PSPC1: variants seen among roughly 807,000 people sequenced by gnomAD.
PSPC1 encodes the protein paraspeckle component 1.
Under a neutral mutation model 51.6 loss-of-function variants are expected in PSPC1, and 14 were observed. That is an observed-to-expected ratio of 0.27 (90% CI 0.18 to 0.42). The LOEUF (loss-of-function observed/expected upper bound fraction) is 0.42, where lower values mean the gene tolerates loss of function less well. Ranked by LOEUF, PSPC1 falls within the 10% of genes least tolerant of loss-of-function variation. The pLI is 1.00. For missense variants in PSPC1, 406 were observed against 701.1 expected (o/e 0.58, Z 4.75); for synonymous variants, 193 against 231.9 (o/e 0.83, Z 1.53).
At chr13:19,675,422 A>C (rs748680558) in intron 7 of PSPC1, 5 of 152,244 alleles carry the variant, frequency 3.3e-5, no homozygotes, top group Non-Finnish European at 5.9e-5. Context: ...ACAAATAAAA[A>C]GCCAAAACCC....
chr13:19,697,537 A>G (rs1310120541), downstream of PSPC1, among the ~76,000 whole-genome samples: 1 of 152,136 alleles, frequency 6.6e-6, no homozygotes, highest in Non-Finnish European at 1.5e-5. Context: ...TTTGTAGACA[A>G]TTACTCCCAT....
chr13:19,715,462 A>G (rs907059027), intron 6 of PSPC1, among the ~76,000 whole-genome samples: 11 of 152,230 alleles, frequency 7.2e-5, no homozygotes, highest in African/African-American at 2.7e-4. Flanking sequence ...TAGCATAACC[A>G]TCCAAAACCC....
downstream of PSPC1, among the ~76,000 whole-genome samples, chr13:19,673,731 T>G (rs957085303): frequency 1.3e-5 from 2 of 152,144 alleles, no homozygotes; most frequent in Non-Finnish European, 1.5e-5. Context: ...CGGGGCTTTC[T>G]CTCTAAGATA....
Position 19,772,230 on chromosome 13 carries a change from T to C in PSPC1, c.674+12A>G, listed in dbSNP as rs749462620. 2.5e-6 allele frequency: 4 copies of C among 1,608,296 alleles called. No homozygotes were observed. Among genetic ancestry groups the C allele is most frequent in the Admixed American group, 1.7e-5 (1 of 58,994 alleles). ...AACTGGATAGAAGAAGGACAAGATA[T>C]TTAAAACTTACGTTGTTAGCAAGAA... On this transcript the variant is annotated intron_variant, in intron 2 of 8. Transcript: ENST00000338910.
downstream of PSPC1, chr13:19,673,054 C>CAAAA (rs752838814): frequency 3.5e-5 from 14 of 395,312 alleles, no homozygotes; most frequent in Non-Finnish European, 5.4e-5. Context: ...GACCTTGTCT[C>CAAAA]AAAAAAAAAA....
At chr13:19,677,373 T>TGTCATTTCCCCTCTTA (rs879579931) in intron 7 of PSPC1, among the ~76,000 whole-genome samples, 8 of 152,192 alleles carry the variant, frequency 5.3e-5, no homozygotes, top group African/African-American at 1.2e-4. Flanking sequence ...AAGACCTCTA[T>TGTCATTTCCCCTCTTA]GTCATTTCCC....
intron 6 of PSPC1, among the ~76,000 whole-genome samples, chr13:19,710,895 T>C (rs886952452): frequency 1.9e-4 from 29 of 151,972 alleles, no homozygotes; most frequent in African/African-American, 6.5e-4. Flanking sequence ...TGCAGTGCAG[T>C]GGCGTCATGA....
At chr13:19,780,808 A>G (rs868474127) in intron 1 of PSPC1, among the ~76,000 whole-genome samples, 18 of 151,804 alleles carry the variant, frequency 1.2e-4, no homozygotes, top group African/African-American at 3.4e-4. Context: ...AATTATCAAT[A>G]AAAAAATAAA....
At chr13:19,738,074 G>A (rs1755773935) in intron 5 of PSPC1, among the ~76,000 whole-genome samples, 1 of 151,880 alleles carries the variant, frequency 6.6e-6, no homozygotes, top group African/African-American at 2.4e-5. Flanking sequence ...TGAGTGACAG[G>A]GCAAGACCTT....
At chr13:19,681,118 G>C (rs1877222541) in intron 6 of PSPC1, among the ~76,000 whole-genome samples, 1 of 152,122 alleles carries the variant, frequency 6.6e-6, no homozygotes, top group South Asian at 2.1e-4. Context: ...GGGAGGCTGA[G>C]ATGGGAGAAT....
At chr13:19,689,411 G>A (rs536574035) in intron 6 of PSPC1, among the ~76,000 whole-genome samples, 1 of 152,230 alleles carries the variant, frequency 6.6e-6, no homozygotes, top group East Asian at 1.9e-4. Flanking sequence ...AAAAAAATGA[G>A]TTTTGGCAAA....
At chr13:19,730,966 A>AAAAAAAAAAAAAAAAAAC (rs1884014184) in intron 5 of PSPC1, among the ~76,000 whole-genome samples, 4 of 25,502 alleles carry the variant, frequency 1.6e-4, no homozygotes, top group East Asian at 4.6e-3. Flanking sequence ...ACAAAAAAAC[A>AAAAAAAAAAAAAAAAAAC]AAAAAAAAAA....
chr13:19,686,994 C>T (rs558611836), intron 6 of PSPC1, among the ~76,000 whole-genome samples: 25 of 151,890 alleles, frequency 1.6e-4, no homozygotes, highest in Admixed American at 2.0e-4. Flanking sequence ...GTCGGGAGTT[C>T]GAGACCAGCC....
chr13:19,689,864 T>A (rs1878346679), intron 6 of PSPC1, among the ~76,000 whole-genome samples: 1 of 152,164 alleles, frequency 6.6e-6, no homozygotes, highest in African/African-American at 2.4e-5. Flanking sequence ...AATGTCGATT[T>A]TACAGGTAAT....
At chr13:19,683,882 T>A (rs1198619607) in intron 6 of PSPC1, among the ~76,000 whole-genome samples, 1 of 152,156 alleles carries the variant, frequency 6.6e-6, no homozygotes, top group Non-Finnish European at 1.5e-5. Context: ...TTCCTGTAAG[T>A]TATCAAAGAA....
intron 2 of PSPC1, among the ~76,000 whole-genome samples, chr13:19,766,463 C>T (rs147431837): frequency 2.2e-3 from 328 of 152,234 alleles, no homozygotes; most frequent in Non-Finnish European, 2.1e-3. Context: ...GAGGCCAAAA[C>T]GAGCAGATCA....
At chr13:19,723,085 T>G (rs1882968631) in intron 6 of PSPC1, among the ~76,000 whole-genome samples, 1 of 152,216 alleles carries the variant, frequency 6.6e-6, no homozygotes, top group African/African-American at 2.4e-5. Flanking sequence ...CACTCCAGCC[T>G]GGGCAACAGA....
In PSPC1 at chr13:19,763,028, C is replaced by T. The variant is rs188698993; in HGVS notation, c.675-3610G>A. Among the ~76,000 whole-genome samples the T allele has an allele frequency of 5.0e-3, 759 of 152,098 alleles. 8 individuals carry two copies. Among genetic ancestry groups the T allele is most frequent in the African/African-American group, 0.018 (736 of 41,488 alleles). On this transcript the variant is annotated intron_variant, in intron 2 of 8. Transcript: ENST00000338910. ...GCTGAGGCAGGATAATCACTTGAACCCAGGAAGCAGAGGTTGCAGTGAGCT... is the reference window on the plus strand; with the variant it reads ...GCTGAGGCAGGATAATCACTTGAACTCAGGAAGCAGAGGTTGCAGTGAGCT...
chr13:19,674,366 G>A (rs146493916), downstream of PSPC1, among the ~76,000 whole-genome samples: 89 of 152,262 alleles, frequency 5.8e-4, no homozygotes, highest in East Asian at 0.015. Flanking sequence ...CACTATCCTC[G>A]CAAGTAAATC....
Sources: allele counts gnomAD v4.1 joint callset (sites outside exome capture counted in the v4.1 genomes callset), GRCh38; gene constraint gnomAD v4.1.1; transcripts MANE v1.5; gene names NCBI Gene and HGNC (gene_info 2026-07-23, HGNC 2026-07-21).